SDK1: variants seen among roughly 807,000 people sequenced by gnomAD.
The protein encoded by SDK1 is protein sidekick-1.
Under a neutral mutation model 245.5 loss-of-function variants are expected in SDK1, and 157 were observed. The ratio of observed to expected loss-of-function variants is 0.64; its 90% CI spans 0.56 to 0.73. The LOEUF is 0.73. Ranked by LOEUF, SDK1 falls within the 30% of genes least tolerant of loss-of-function variation. The pLI is 0.00. For missense variants in SDK1, 3,583 were observed against 3,002.3 expected, an observed-to-expected ratio of 1.19 and a Z score of -4.52; for synonymous variants, 1,647 against 1,278.5, an observed-to-expected ratio of 1.29 and a Z score of -6.15.
At chr7:3,795,363 C>T (rs1305632094) in intron 4 of SDK1, among the ~76,000 whole-genome samples, 1 of 152,072 alleles carries the variant, frequency 6.6e-6, no homozygotes, top group Non-Finnish European at 1.5e-5. Context: ...ACCCTGGCAC[C>T]TCCTGCAGTA....
intron 18 of SDK1, among the ~76,000 whole-genome samples, chr7:4,050,891 AG>A (rs1438998743): frequency 2.8e-5 from 4 of 144,274 alleles, no homozygotes; most frequent in African/African-American, 1.0e-4. Flanking sequence ...TATACCATAT[AG>A]TATATATTAT....
intron 28 of SDK1, among the ~76,000 whole-genome samples, chr7:4,132,703 G>A (rs1468912229): frequency 6.6e-6 from 1 of 152,098 alleles, no homozygotes; most frequent in African/African-American, 2.4e-5. Flanking sequence ...ACTCCAGCCT[G>A]AGAGAGAGTG....
intron 1 of SDK1, among the ~76,000 whole-genome samples, chr7:3,603,346 C>G (rs1400593192): frequency 1.3e-5 from 2 of 150,618 alleles, no homozygotes; most frequent in Non-Finnish European, 3.0e-5. Flanking sequence ...TTTGTATCCT[C>G]TTTTATTTCC....
intron 4 of SDK1, among the ~76,000 whole-genome samples, chr7:3,712,603 C>T (rs1785080006): frequency 6.6e-6 from 1 of 152,196 alleles, no homozygotes; most frequent in African/African-American, 2.4e-5. Flanking sequence ...TGCTGCTCTA[C>T]AGCATTATAA....
At chr7:3,799,048 AT>A (rs1359187375) in intron 4 of SDK1, among the ~76,000 whole-genome samples, 5 of 152,278 alleles carry the variant, frequency 3.3e-5, no homozygotes, top group Non-Finnish European at 7.4e-5. Flanking sequence ...GCCTTCAATT[AT>A]TTATTATTCA....
chr7:4,170,446 CA>C (rs908907568), intron 32 of SDK1, among the ~76,000 whole-genome samples: 1 of 150,182 alleles, frequency 6.7e-6, no homozygotes, highest in African/African-American at 2.4e-5. Flanking sequence ...GATCCTGTCT[CA>C]AAAAAAAAGA....
intron 1 of SDK1, among the ~76,000 whole-genome samples, chr7:3,457,486 T>C (rs1380879426): frequency 2.0e-5 from 3 of 152,204 alleles, no homozygotes; most frequent in Non-Finnish European, 4.4e-5. Flanking sequence ...ATGTGGTGTG[T>C]ACATCCTTAT....
chr7:3,711,398 G>A (rs1339821000), intron 4 of SDK1, among the ~76,000 whole-genome samples: 1 of 152,170 alleles, frequency 6.6e-6, no homozygotes, highest in African/African-American at 2.4e-5. Context: ...GGGAGAGACA[G>A]GTAGTTCCAA....
At chr7:4,150,022 T>C (rs1780248976) in intron 30 of SDK1, among the ~76,000 whole-genome samples, 1 of 152,172 alleles carries the variant, frequency 6.6e-6, no homozygotes, top group African/African-American at 2.4e-5. Context: ...GGGCTCAGCA[T>C]GGGAGAGGGT....
In SDK1 at chr7:4,132,439, T is replaced by G. The variant is rs1170724381; in HGVS notation, c.4228+16T>G. The G allele has an allele frequency of 6.4e-7, 1 of 1,572,398 alleles. No individual in the cohort carries two copies. Among genetic ancestry groups the G allele is most frequent in the Non-Finnish European group, 8.7e-7 (1 of 1,151,216 alleles). ...ATCATCCTGGGTAAGGGAGCGGCGG[T>G]GGCCGGGCGTGGTGGCTCAGGCCTG... On this transcript the variant is annotated intron_variant, in intron 28 of 44. Transcript: ENST00000404826.
intron 35 of SDK1, among the ~76,000 whole-genome samples, chr7:4,195,440 C>A (rs536331030): frequency 4.6e-5 from 7 of 152,142 alleles, no homozygotes; most frequent in Non-Finnish European, 1.0e-4. Flanking sequence ...CCCCGTCCCT[C>A]CCCCACGTCA....
intron 9 of SDK1, among the ~76,000 whole-genome samples, chr7:3,965,684 G>C (rs1337255179): frequency 6.6e-6 from 1 of 152,136 alleles, no homozygotes; most frequent in Non-Finnish European, 1.5e-5. Flanking sequence ...TCTGCAGGGA[G>C]GAGAAAGGCA....
At chr7:4,222,227 A>T (rs1000127972) in intron 40 of SDK1, among the ~76,000 whole-genome samples, 3 of 152,146 alleles carry the variant, frequency 2.0e-5, no homozygotes, top group Admixed American at 1.3e-4. Flanking sequence ...GTGTCAGGAC[A>T]CTCGTTCCCT....
chr7:3,854,399 A>G (rs555927370), intron 5 of SDK1, among the ~76,000 whole-genome samples: 1 of 152,334 alleles, frequency 6.6e-6, no homozygotes, highest in African/African-American at 2.4e-5. Context: ...TAACTCCTGC[A>G]ACACAGTAGA....
intron 1 of SDK1, among the ~76,000 whole-genome samples, chr7:3,556,120 G>A (rs1273482996): frequency 2.0e-5 from 3 of 152,156 alleles, no homozygotes; most frequent in Non-Finnish European, 4.4e-5. Flanking sequence ...GTACTTCTAT[G>A]TTTTTTGCAG....
intron 17 of SDK1, among the ~76,000 whole-genome samples, chr7:4,034,908 C>G (rs6953630): frequency 0.32 from 48,176 of 152,174 alleles, 11,859 homozygotes; most frequent in African/African-American, 0.69. Flanking sequence ...TAGAAATCAG[C>G]ATTCTCTGAA....
At chr7:3,303,893 G>A (rs2054819621) in intron 1 of SDK1, among the ~76,000 whole-genome samples, 1 of 152,176 alleles carries the variant, frequency 6.6e-6, no homozygotes, top group South Asian at 2.1e-4. Context: ...ATGTGCAGGA[G>A]TGCATTCTCT....
At chr7:4,173,741 G>C (rs998973699) in intron 32 of SDK1, among the ~76,000 whole-genome samples, 2 of 152,200 alleles carry the variant, frequency 1.3e-5, no homozygotes, top group Non-Finnish European at 2.9e-5. Flanking sequence ...GGCACAGTGG[G>C]GTGGCCTGGC....
chr7:3,373,686 C>G (rs1482561513), intron 1 of SDK1, among the ~76,000 whole-genome samples: 4 of 151,206 alleles, frequency 2.6e-5, no homozygotes, highest in African/African-American at 7.3e-5. Context: ...AAAGTAAATA[C>G]TAAATGACAA....
Sources: gnomAD v4.1 joint callset for allele counts (sites outside exome capture counted in the v4.1 genomes callset) on GRCh38, gnomAD v4.1.1 for gene constraint, MANE v1.5 for transcripts, NCBI Gene and HGNC (gene_info 2026-07-23, HGNC 2026-07-21) for gene names.